XKR9: variants seen among roughly 807,000 people sequenced by gnomAD.
The protein encoded by XKR9 is XK related 9.
Under a neutral mutation model 32.0 loss-of-function variants are expected in XKR9, and 32 were observed. The ratio of observed to expected loss-of-function variants is 1.00; its 90% confidence interval spans 0.76 to 1.34. XKR9 has a LOEUF of 1.34. XKR9 is among the 40% of genes most tolerant of loss of function. XKR9 has a pLI of 0.00. For synonymous variants in XKR9, 168 were observed against 143.4 expected (o/e 1.17, Z -1.22); for missense variants, 546 against 429.7 (o/e 1.27, Z -2.39).
the XKR9 span, among the ~76,000 whole-genome samples, chr8:70,897,507 C>G: frequency 1.3e-5 from 2 of 152,142 alleles, no homozygotes; most frequent in African/African-American, 4.8e-5. Flanking sequence ...CAACAGGGTA[C>G]AAGGGTTCCT....
At chr8:70,749,920 C>T (rs1400117371) in intron 2 of XKR9, among the ~76,000 whole-genome samples, 2 of 152,120 alleles carry the variant, frequency 1.3e-5, no homozygotes, top group African/African-American at 2.4e-5. Flanking sequence ...ATATAATCTA[C>T]TGAGACTGTT....
the XKR9 span, among the ~76,000 whole-genome samples, chr8:70,963,926 C>A: frequency 6.6e-6 from 1 of 152,152 alleles, no homozygotes; most frequent in Non-Finnish European, 1.5e-5. Context: ...GTTGTTTACT[C>A]TGATGATAGT....
rs148859239 is a variant in XKR9, at chr8:70,764,389, G to C, written n.353-24950G>C. Among the ~76,000 whole-genome samples the C allele has an allele frequency of 2.0e-3, 310 of 152,094 alleles. 8 individuals are homozygous for C. The highest frequency in any genetic ancestry group is 0.014 in the Middle Eastern group (4 of 294). On this transcript the variant is annotated intron_variant and non_coding_transcript_variant, in intron 2 of 3. Transcript: ENST00000520273. The stretch of plus-strand genomic sequence containing the variant: ...CTCTCTGGAACTTCAGCTTGGAGAG[G>C]GTAGGTCAGAAAATGTACTTGTTCT...
chr8:70,984,604 TG>T, the XKR9 span, among the ~76,000 whole-genome samples: 2 of 152,170 alleles, frequency 1.3e-5, no homozygotes, highest in Non-Finnish European at 2.9e-5. Flanking sequence ...TTGTTTTAAA[TG>T]GGCAAAGGGA....
At chr8:71,054,547 C>A in the XKR9 span, among the ~76,000 whole-genome samples, 1 of 152,188 alleles carries the variant, frequency 6.6e-6, no homozygotes, top group Non-Finnish European at 1.5e-5. Flanking sequence ...GCCTCAATGA[C>A]TGTGCTAAGC....
At chr8:70,758,490 C>A (rs560358500) in intron 2 of XKR9, among the ~76,000 whole-genome samples, 75 of 152,212 alleles carry the variant, frequency 4.9e-4, no homozygotes, top group Non-Finnish European at 2.9e-5. Context: ...TCTTATTCCC[C>A]AGTTCTTTCT....
the XKR9 span, among the ~76,000 whole-genome samples, chr8:70,819,577 C>T: frequency 6.6e-6 from 1 of 152,152 alleles, no homozygotes; most frequent in Admixed American, 6.5e-5. Context: ...AGACAAGTCA[C>T]TTAATATCTC....
chr8:70,867,133 C>A, the XKR9 span, among the ~76,000 whole-genome samples: 2 of 152,088 alleles, frequency 1.3e-5, no homozygotes, highest in Non-Finnish European at 2.9e-5. Context: ...TGGCAGCAGG[C>A]AAGGAGGAGC....
At chr8:70,701,231 G>A (rs1805522421) in intron 3 of XKR9, among the ~76,000 whole-genome samples, 2 of 152,314 alleles carry the variant, frequency 1.3e-5, no homozygotes, top group South Asian at 4.1e-4. Context: ...CTAGTGAGAT[G>A]AACACGGTAC....
the XKR9 span, among the ~76,000 whole-genome samples, chr8:70,822,901 G>A: frequency 6.6e-6 from 1 of 151,998 alleles, no homozygotes; most frequent in Non-Finnish European, 1.5e-5. Context: ...AAACACATAA[G>A]GGTTCTTATA....
At chr8:70,810,291 C>T in the XKR9 span, among the ~76,000 whole-genome samples, 1 of 152,132 alleles carries the variant, frequency 6.6e-6, no homozygotes, top group Non-Finnish European at 1.5e-5. Context: ...CTGAAGGAAG[C>T]ACTAAACATG....
chr8:70,741,630 C>T (rs1305446695), intron 2 of XKR9, among the ~76,000 whole-genome samples: 2 of 152,052 alleles, frequency 1.3e-5, no homozygotes, highest in African/African-American at 4.8e-5. Flanking sequence ...TTTGTTTATC[C>T]ATTCATTCAT....
At position 70,779,501 on chromosome 8, in the gene XKR9, A is replaced by G. The variant is rs373732202; in HGVS notation, n.353-9838A>G. Among the ~76,000 whole-genome samples, 58 of 151,852 alleles carry G rather than the reference A, an allele frequency of 3.8e-4. 1 individual carries two copies. In the South Asian group the frequency reaches 9.3e-3, roughly 24 times the overall value. On this transcript the variant is annotated intron_variant and non_coding_transcript_variant, in intron 2 of 3. Coordinates refer to the XKR9 transcript ENST00000520273. The stretch of plus-strand genomic sequence containing the variant: ...GGTAGGGAGGATTCCCTCTTTTTCT[A>G]TTGTTTGGAATAGTTTCGGAAGGAA...
At chr8:70,929,022 C>G in the XKR9 span, among the ~76,000 whole-genome samples, 1 of 152,172 alleles carries the variant, frequency 6.6e-6, no homozygotes, top group African/African-American at 2.4e-5. Flanking sequence ...ATGTGAGCAT[C>G]TTGAAGGCTG....
rs910220247 is a variant in XKR9, at chr8:70,734,631, A to G, written c.*207A>G. The stretch of plus-strand genomic sequence containing the variant: ...ATCTTGAGTACTCAGATATCTTTCT[A>G]CTGCCTGGTAGAGCTGCCATCTTGA... On this transcript the variant is annotated 3_prime_UTR_variant, in exon 5 of 5. Coordinates refer to ENST00000408926, the MANE Select transcript of XKR9 (RefSeq NM_001011720.2). 2 of 517,664 alleles carry G rather than the reference A, an allele frequency of 3.9e-6. No homozygotes were observed. The highest frequency in any genetic ancestry group is 5.6e-6 in the Non-Finnish European group (2 of 358,746). The allele number at this position is 517,664 out of a possible 1,614,324, so 32.1% of individuals were successfully genotyped here. A position where few individuals can be genotyped will look rare whatever the true frequency, so the allele number is the denominator to read the frequency against.
the XKR9 span, among the ~76,000 whole-genome samples, chr8:71,058,058 GTA>G: frequency 6.6e-6 from 1 of 152,090 alleles, no homozygotes; most frequent in Non-Finnish European, 1.5e-5. Context: ...GCGGGCGCCT[GTA>G]GTCCCAACTA....
At chr8:70,816,343 A>T in the XKR9 span, among the ~76,000 whole-genome samples, 1 of 152,188 alleles carries the variant, frequency 6.6e-6, no homozygotes, top group South Asian at 2.1e-4. Context: ...GAGATTTCTG[A>T]AGGAGCTAAA....
chr8:71,035,535 G>T, the XKR9 span, among the ~76,000 whole-genome samples: 1 of 152,144 alleles, frequency 6.6e-6, no homozygotes, highest in Non-Finnish European at 1.5e-5. Flanking sequence ...ATAGGAATTT[G>T]GTGGCAGAAT....
chr8:70,729,216 G>A (rs1341917319), intron 4 of XKR9, among the ~76,000 whole-genome samples: 5 of 152,272 alleles, frequency 3.3e-5, no homozygotes, highest in Admixed American at 6.5e-5. Context: ...CTATACTGCC[G>A]TAAGTTGAGA....
Sources: allele counts gnomAD v4.1 joint callset (sites outside exome capture counted in the v4.1 genomes callset), GRCh38; gene constraint gnomAD v4.1.1; transcripts MANE v1.5; gene names NCBI Gene and HGNC (gene_info 2026-07-23, HGNC 2026-07-21).